GOLGA7: variants seen among roughly 807,000 people sequenced by gnomAD.
GOLGA7 encodes golgin A7.
In GOLGA7, 10 loss-of-function variants were observed where a neutral mutation model predicts 21.1. That is an observed-to-expected ratio of 0.47 (90% CI 0.29 to 0.80). GOLGA7 has a LOEUF of 0.80. Ranked by LOEUF, GOLGA7 falls within the 30% of genes least tolerant of loss-of-function variation. The pLI, the probability that GOLGA7 is intolerant of heterozygous loss-of-function variation, is 0.08. For synonymous variants in GOLGA7, 64 were observed against 62.6 expected (o/e 1.02, Z -0.10); for missense variants, 114 against 166.8 (o/e 0.68, Z 1.74).
In GOLGA7 at chr8:41,490,818, C is replaced by A. The variant is rs761449555; in HGVS notation, c.-37C>A. Reference sequence around the variant, plus strand: ...GGGGCTCTGACTCGCGGTTGGTGTTCCCCCGACCCCGCAGCGCGGGGTGTC... The same window carrying A: ...GGGGCTCTGACTCGCGGTTGGTGTTACCCCGACCCCGCAGCGCGGGGTGTC... On this transcript the variant is annotated 5_prime_UTR_variant, in exon 1 of 5. Transcript: ENST00000357743. 5 of 1,245,480 alleles carry A rather than the reference C, an allele frequency of 4.0e-6. No individual in the cohort carries two copies. The highest frequency in any genetic ancestry group is 5.7e-6 in the Non-Finnish European group (5 of 869,952). 77.2% of individuals were successfully genotyped at this position (1,245,480 alleles called of 1,614,324 possible).
chr8:41,505,099 A>T (rs1291247541), intron 2 of GOLGA7, among the ~76,000 whole-genome samples: 1 of 152,226 alleles, frequency 6.6e-6, no homozygotes, highest in Non-Finnish European at 1.5e-5. Context: ...TGTAGCTATT[A>T]AGATTTATTT....
At chr8:41,496,599 G>A (rs62507796) in intron 1 of GOLGA7, among the ~76,000 whole-genome samples, 2 of 151,666 alleles carry the variant, frequency 1.3e-5, no homozygotes, top group Non-Finnish European at 2.9e-5. Flanking sequence ...AAAAGAGATA[G>A]GCTGAGTAAA....
intron 1 of GOLGA7, among the ~76,000 whole-genome samples, chr8:41,495,424 A>G (rs1805986765): frequency 6.6e-6 from 1 of 151,626 alleles, no homozygotes; most frequent in African/African-American, 2.4e-5. Flanking sequence ...AGCTAGGACT[A>G]TAGGCATGCA....
chr8:41,496,196 T>C (rs1226457690), intron 1 of GOLGA7, among the ~76,000 whole-genome samples: 4 of 152,168 alleles, frequency 2.6e-5, no homozygotes, highest in Non-Finnish European at 4.4e-5. Flanking sequence ...TCACCCTTTG[T>C]GAGCACGCTT....
At chr8:41,498,105 T>C (rs1292850643) in intron 2 of GOLGA7, among the ~76,000 whole-genome samples, 1 of 152,158 alleles carries the variant, frequency 6.6e-6, no homozygotes, top group East Asian at 1.9e-4. Context: ...CACCCCTGTC[T>C]TTTCAGTACC....
intron 2 of GOLGA7, among the ~76,000 whole-genome samples, chr8:41,501,568 T>A (rs57701493): frequency 0.028 from 4,319 of 151,810 alleles, 199 homozygotes; most frequent in African/African-American, 0.099. Context: ...CTTACTTTTT[T>A]AAAAAAAACT....
At chr8:41,496,804 CTTTTTTTTTTT>C (rs34657481) in intron 1 of GOLGA7, among the ~76,000 whole-genome samples, 2 of 91,654 alleles carry the variant, frequency 2.2e-5, no homozygotes, top group African/African-American at 4.4e-5. Flanking sequence ...CAGTTTATTG[CTTTTTTTTTTT>C]TTTTTTTTTT....
chr8:41,509,051 T>G (rs1369230190), intron 4 of GOLGA7, among the ~76,000 whole-genome samples: 1 of 152,260 alleles, frequency 6.6e-6, no homozygotes, highest in East Asian at 1.9e-4. Flanking sequence ...GCATATATCT[T>G]TATTATCACA....
At chr8:41,496,698 A>C (rs1222807610) in intron 1 of GOLGA7, among the ~76,000 whole-genome samples, 1 of 149,466 alleles carries the variant, frequency 6.7e-6, no homozygotes, top group Admixed American at 6.7e-5. Context: ...TTAGTTACTC[A>C]ATTTAAGATT....
intron 2 of GOLGA7, among the ~76,000 whole-genome samples, chr8:41,501,041 C>T (rs1285180187): frequency 6.6e-6 from 1 of 152,090 alleles, no homozygotes; most frequent in Non-Finnish European, 1.5e-5. Flanking sequence ...TTTATTCATG[C>T]TTAGTGAAGT....
In GOLGA7 at chr8:41,497,567, C is replaced by T; in HGVS notation, c.170C>T (p.Ala57Val). ...ACTCTAAATAACCTTTATGCAGAAG[C>T]AGAGAAGCTCGGCGGCCAGTCATAT... ...VRTLNNLYAE[A>V]EKLGGQSYLE... Residue 57 changes from alanine to valine, a missense_variant, in exon 2 of 5, where the codon GCA becomes GTA. By Grantham distance (64) the Ala-to-Val change is moderately conservative. Coordinates refer to ENST00000357743, the MANE Select transcript of GOLGA7 (RefSeq NM_001002296.2). 1 of 1,589,580 alleles carries T rather than the reference C, an allele frequency of 6.3e-7. No individual in the cohort carries two copies. Among genetic ancestry groups the T allele is most frequent in the Non-Finnish European group, 8.6e-7 (1 of 1,158,032 alleles).
rs200463324 is a variant in GOLGA7 at position 41,497,529 on chromosome 8, A to C, written c.132A>C (p.Glu44Asp). The change falls in exon 2 of 5, where the codon GAA becomes GAC. Residue 44 changes from glutamate (E) to aspartate (D), a missense_variant. Transcript: ENST00000357743. ...TACAGATTGATAGGCAGCAGTTTGA[A>C]GAAACAGTTCGAACTCTAAATAACC... ...LENRIDRQQF[E>D]ETVRTLNNLY... 2.6e-5 allele frequency: 40 copies of C among 1,568,588 alleles called. No individual in the cohort carries two copies. In the Middle Eastern group the frequency reaches 5.0e-4, roughly 20 times the overall value.
intron 2 of GOLGA7, among the ~76,000 whole-genome samples, chr8:41,505,476 C>CT (rs1394161936): frequency 2.0e-5 from 3 of 152,112 alleles, no homozygotes; most frequent in African/African-American, 7.2e-5. Flanking sequence ...AGAAGCAGTC[C>CT]TTTAAGTTTT....
intron 4 of GOLGA7, among the ~76,000 whole-genome samples, chr8:41,507,359 G>A (rs1256108811): frequency 6.6e-6 from 1 of 152,134 alleles, no homozygotes; most frequent in Non-Finnish European, 1.5e-5. Flanking sequence ...ATTGTGTTCA[G>A]ACTGGTTTTG....
intron 2 of GOLGA7, among the ~76,000 whole-genome samples, chr8:41,504,205 C>T (rs1319382322): frequency 3.9e-5 from 6 of 151,946 alleles, no homozygotes; most frequent in Admixed American, 6.5e-5. Flanking sequence ...ATGATGTTGC[C>T]GTTTCTTTGC....
intron 1 of GOLGA7, among the ~76,000 whole-genome samples, chr8:41,494,812 A>T (rs1454275369): frequency 6.6e-6 from 1 of 152,232 alleles, no homozygotes; most frequent in Non-Finnish European, 1.5e-5. Flanking sequence ...GCATGCCACT[A>T]GCCCATTGAC....
In GOLGA7 at chr8:41,490,935, G is replaced by A. The variant is rs1355331490; in HGVS notation, c.81G>A (p.Gln27=). The change falls in exon 1 of 5, where the codon CAG becomes CAA. Residue 27 remains glutamine, a synonymous_variant. Coordinates refer to ENST00000357743, the MANE Select transcript of GOLGA7 (RefSeq NM_001002296.2). Reference sequence around the variant, plus strand: ...GCAGTGGCACACGCTGCCAGTTCCAGACCAAGTTCCCTGCGGAGCTGGAGA... The same window carrying A: ...GCAGTGGCACACGCTGCCAGTTCCAAACCAAGTTCCCTGCGGAGCTGGAGA... ...DYSSGTRCQF[Q]TKFPAELENR... The A allele has an allele frequency of 1.9e-6, 3 of 1,593,360 alleles. No homozygotes were observed.
intron 1 of GOLGA7, among the ~76,000 whole-genome samples, chr8:41,493,123 A>G (rs1185637398): frequency 1.3e-5 from 2 of 152,204 alleles, no homozygotes; most frequent in Admixed American, 6.5e-5. Context: ...TTCTTTTTAA[A>G]TGTTTGGGTT....
intron 2 of GOLGA7, among the ~76,000 whole-genome samples, chr8:41,504,639 T>C (rs939978280): frequency 6.6e-6 from 1 of 152,212 alleles, no homozygotes; most frequent in South Asian, 2.1e-4. Context: ...GTAAGAACCA[T>C]GCAGATTGCT....
Sources: allele counts gnomAD v4.1 joint callset (sites outside exome capture counted in the v4.1 genomes callset), GRCh38; gene constraint gnomAD v4.1.1; transcripts MANE v1.5; gene names NCBI Gene and HGNC (gene_info 2026-07-23, HGNC 2026-07-21).